Variants in COL16A1 observed in about 807,000 individuals in gnomAD.
The protein encoded by COL16A1 is collagen type XVI alpha 1 chain.
COL16A1 carries 189 observed loss-of-function variants against 266.3 expected under a neutral mutation model. The observed-to-expected ratio is 0.71, with a 90% CI of 0.63 to 0.80. The LOEUF (loss-of-function observed/expected upper bound fraction) is 0.80. Among genes scored for constraint, COL16A1 ranks in the 30% least tolerant of loss-of-function variants. The pLI is 0.00. For synonymous variants in COL16A1, 740 were observed against 782.3 expected (o/e 0.95, Z 0.90); for missense variants, 1,928 against 2,122.4 (o/e 0.91, Z 1.80).
At chr1:31,665,431 T>G (rs1642043882) in intron 55 of COL16A1, 152 bp downstream of exon 55, 12 of 1,468,716 alleles carry the variant, frequency 8.2e-6, no homozygotes, top group African/African-American at 1.4e-5. Flanking sequence ...CAGGTCCTGG[T>G]TCCTGGAATC....
In COL16A1 at chr1:31,689,964, C is replaced by T. The variant is rs575981527; in HGVS notation, c.1510-113G>A. 1.8e-5 allele frequency: 15 copies of T among 837,530 alleles called. No homozygotes were observed. The East Asian group carries it at 3.2e-4, about 18-fold the overall frequency. 51.9% of individuals were successfully genotyped at this position (837,530 alleles called of 1,614,324 possible). A position where few individuals can be genotyped will look rare whatever the true frequency, so the allele number is the denominator to read the frequency against. On this transcript the variant is annotated intron_variant, in intron 22 of 70. Transcript: ENST00000373672. ...CATTGGGTCCACCAGAGCCCCACCC[C>T]CAACATCAAAGTGGACAGCAGGAAT...
chr1:31,657,486 T>G lies in COL16A1; in HGVS notation c.4021-418A>C. The G allele has an allele frequency of 5.4e-6, 1 of 184,350 alleles. No homozygotes were observed. 11.4% of individuals were successfully genotyped at this position (184,350 alleles called of 1,614,324 possible). Reference sequence around the variant, plus strand: ...TGGCTGCTGGGGAAGAGGACTCTGATTGCTAGGCAAGTGGGAGATTCATCC... The same window carrying G: ...TGGCTGCTGGGGAAGAGGACTCTGAGTGCTAGGCAAGTGGGAGATTCATCC... On this transcript the variant is annotated intron_variant, in intron 64 of 70. Transcript: ENST00000373672. The surrounding 1 kb of genome is among the most constrained non-coding windows in gnomAD (Gnocchi z 6.4).
Position 31,697,360 on chromosome 1 carries a change from C to T in COL16A1, c.658-60G>A, listed in dbSNP as rs753003086. On this transcript the variant is annotated intron_variant, in intron 6 of 70. Transcript: ENST00000373672. The surrounding 1 kb of genome is among the most constrained non-coding windows in gnomAD (Gnocchi z 4.2). Reference sequence around the variant, plus strand: ...TTATCAAATAGCTCTGTGTCCTGGCCCCCCAGGAGGCACAGAGATGTCTCT... The same window carrying T: ...TTATCAAATAGCTCTGTGTCCTGGCTCCCCAGGAGGCACAGAGATGTCTCT... 3.3e-4 allele frequency: 480 copies of T among 1,475,026 alleles called. No homozygotes were observed. The highest frequency in any genetic ancestry group is 4.3e-4 in the Non-Finnish European group (461 of 1,083,288). The allele number at this position is 1,475,026 out of a possible 1,614,324, so 91.4% of individuals were successfully genotyped here. A position where few individuals can be genotyped will look rare whatever the true frequency, so the allele number is the denominator to read the frequency against.
At chr1:31,673,637 A>G (rs1570444994) in intron 44 of COL16A1, among the ~76,000 whole-genome samples, 1 of 152,248 alleles carries the variant, frequency 6.6e-6, no homozygotes, top group Non-Finnish European at 1.5e-5. Context: ...ACATTATCAC[A>G]TGCCATCTTG....
At chr1:31,675,183 G>C in intron 43 of COL16A1, 75 bp downstream of exon 43, 1 of 1,612,606 alleles carries the variant, frequency 6.2e-7, no homozygotes, top group Non-Finnish European at 8.5e-7. Context: ...CAGCTACCGG[G>C]CCAGCTTCAT....
chr1:31,676,731 T>G (rs4949458), intron 42 of COL16A1, among the ~76,000 whole-genome samples: 79,657 of 152,100 alleles, frequency 0.52, 21,140 homozygotes, highest in South Asian at 0.59. Flanking sequence ...CATTTGCATA[T>G]TAAATACTCC....
chr1:31,701,514 C>G (rs1644724043), intron 2 of COL16A1: 3 of 985,378 alleles, frequency 3.0e-6, no homozygotes, highest in Non-Finnish European at 3.6e-6. Flanking sequence ...GGGCACCCAG[C>G]AAGGCCAGGC....
chr1:31,691,312 A>G (rs1024963836), intron 19 of COL16A1, 86 bp from the exon 20 acceptor site: 1 of 1,594,112 alleles, frequency 6.3e-7, no homozygotes, highest in African/African-American at 1.3e-5. Context: ...TCCTCCAGCC[A>G]GGATCCCTGG....
chr1:31,688,366 A>C lies in COL16A1; in HGVS notation c.1803+101T>G. On this transcript the variant is annotated intron_variant, in intron 26 of 70. Transcript: ENST00000373672. This position sits in a 1 kb window ranked among gnomAD's most constrained non-coding sequence, Gnocchi z 4.9. ...AATTTCACTGTGAATTTACCGTCTG[A>C]ATCTCTTGTTTATATTACCCTTATT... is the stretch of plus-strand genomic sequence containing the variant. The C allele has an allele frequency of 7.7e-7, 1 of 1,295,272 alleles. No homozygotes were observed. Among genetic ancestry groups the C allele is most frequent in the South Asian group, 1.2e-5 (1 of 82,738 alleles). 80.2% of individuals were successfully genotyped at this position (1,295,272 alleles called of 1,614,324 possible). A position where few individuals can be genotyped will look rare whatever the true frequency, so the allele number is the denominator to read the frequency against.
At chr1:31,655,172 C>T (rs960489768) in intron 67 of COL16A1, 142 bp downstream of exon 67, 31 of 1,366,270 alleles carry the variant, frequency 2.3e-5, no homozygotes, top group Middle Eastern at 2.7e-4. Context: ...CCCACCCTTC[C>T]GCACACAGTT....
chr1:31,698,646 A>C lies in COL16A1; in HGVS notation c.267-40T>G. On this transcript the variant is annotated intron_variant, in intron 4 of 70. Coordinates refer to ENST00000373672, the MANE Select transcript of COL16A1 (RefSeq NM_001856.4). The surrounding 1 kb of genome is among the most constrained non-coding windows in gnomAD (Gnocchi z 4.1). ...GGGAGGGTGCCCTGAGGCTCCAATG[A>C]GGACCCAAATGCTGCCCACCCTGAG... is the stretch of plus-strand genomic sequence containing the variant. The C allele has an allele frequency of 6.2e-7, 1 of 1,608,748 alleles. No homozygotes were observed. Among genetic ancestry groups the C allele is most frequent in the Non-Finnish European group, 8.5e-7 (1 of 1,178,312 alleles).
Position 31,682,983 on chromosome 1 carries a change from C to G in COL16A1, c.2489G>C (p.Gly830Ala). The change falls in exon 37 of 71, where the codon GGA becomes GCA. Residue 830 changes from glycine to alanine, a missense_variant. Coordinates refer to ENST00000373672, the MANE Select transcript of COL16A1 (RefSeq NM_001856.4). ...AGGAGGTCCCACAGGTCCGGTGGCTCCTTTCACCCCTGGAGATCCCTGTGT... is the reference window on the plus strand; with the variant it reads ...AGGAGGTCCCACAGGTCCGGTGGCTGCTTTCACCCCTGGAGATCCCTGTGT... Reference protein sequence around the residue: ...KGAQGSPGVKGATGPVGPPGA... With the variant: ...KGAQGSPGVKAATGPVGPPGA... The G allele has an allele frequency of 1.2e-6, 2 of 1,614,034 alleles. No individual in the cohort carries two copies. The highest frequency in any genetic ancestry group is 1.7e-6 in the Non-Finnish European group (2 of 1,180,002).
intron 52 of COL16A1, chr1:31,666,380 G>A: frequency 5.0e-6 from 2 of 397,848 alleles, no homozygotes; most frequent in Admixed American, 4.4e-5. Context: ...ACCTTATGCG[G>A]CTCCCTCTGC....
intron 2 of COL16A1, chr1:31,701,658 G>T: frequency 1.3e-6 from 1 of 759,158 alleles, no homozygotes; most frequent in Non-Finnish European, 1.6e-6. Flanking sequence ...AAGCACGTGA[G>T]CTAGAGGGAT....
chr1:31,689,998 G>T, intron 22 of COL16A1, 147 bp from the exon 23 acceptor site: 1 of 676,342 alleles, frequency 1.5e-6, no homozygotes, highest in Non-Finnish European at 2.5e-6. Flanking sequence ...ATGCCGCTGG[G>T]GCTTCCTGTT....
chr1:31,682,760 T>G (rs1222376211), intron 37 of COL16A1, among the ~76,000 whole-genome samples, 174 bp downstream of exon 37: 1 of 152,252 alleles, frequency 6.6e-6, no homozygotes, highest in Non-Finnish European at 1.5e-5. Context: ...TATTGTATTA[T>G]TCAAGCATTC....
chr1:31,657,055 G>A lies in COL16A1; in HGVS notation c.4034C>T (p.Thr1345Met), dbSNP rs766716039. ...GHPGPPGEPGTDGAAGKEGPP... is the reference protein window; with the variant it reads ...GHPGPPGEPGMDGAAGKEGPP... Reference sequence around the variant, plus strand: ...TACCTCTTTGCCAGCTGCACCATCCGTACCAGGTTCGCCCTGGGGAGTAGA... The same window carrying A: ...TACCTCTTTGCCAGCTGCACCATCCATACCAGGTTCGCCCTGGGGAGTAGA... Residue 1345 changes from threonine to methionine, a missense_variant, in exon 65 of 71, where the codon ACG (threonine) becomes ATG (methionine). Coordinates refer to ENST00000373672, the MANE Select transcript of COL16A1 (RefSeq NM_001856.4). The surrounding 1 kb of genome is among the most constrained non-coding windows in gnomAD (Gnocchi z 6.4). 40 of 1,614,014 alleles carry A rather than the reference G, an allele frequency of 2.5e-5. No homozygotes were observed. Among genetic ancestry groups the A allele is most frequent in the South Asian group, 8.8e-5 (8 of 91,090 alleles).
At chr1:31,654,652 G>T (rs1640945201) in intron 68 of COL16A1, 140 bp downstream of exon 68, 1 of 1,500,020 alleles carries the variant, frequency 6.7e-7, no homozygotes, top group Middle Eastern at 2.4e-4. Flanking sequence ...ACATCTGCCT[G>T]TCAACCCCAG....
intron 41 of COL16A1, 34 bp downstream of exon 41, chr1:31,679,770 G>A: frequency 6.3e-7 from 1 of 1,587,186 alleles, no homozygotes. Context: ...CAAGCCGCGG[G>A]GCGCTGGCGG....
Sources: gnomAD v4.1 joint callset for allele counts (sites outside exome capture counted in the v4.1 genomes callset) on GRCh38, gnomAD v4.1.1 for gene constraint, Gnocchi (gnomAD v3.1) non-coding constraint, MANE v1.5 for transcripts, NCBI Gene and HGNC (gene_info 2026-07-23, HGNC 2026-07-21) for gene names.